Variants in RAB6A observed in about 807,000 individuals in gnomAD.
The protein encoded by RAB6A is ras-related protein Rab-6A.
RAB6A carries 8 observed loss-of-function variants against 32.3 expected under a neutral mutation model. The ratio of observed to expected loss-of-function variants is 0.25; its 90% CI spans 0.15 to 0.45. The LOEUF is 0.45. RAB6A is among the 20% of genes least tolerant of loss of function. The pLI is 1.00. For synonymous variants in RAB6A, 73 were observed against 82.1 expected, an observed-to-expected ratio of 0.89 and a Z score of 0.60; for missense variants, 104 against 249.4, an observed-to-expected ratio of 0.42 and a Z score of 3.93.
chr11:73,677,699 T>C lies in RAB6A; in HGVS notation c.*199A>G. Reference sequence around the variant, plus strand: ...TGAAATATTTTGGCTTTTTGTAAAATATAAATAATGAAGACACTGACTTTT... The same window carrying C: ...TGAAATATTTTGGCTTTTTGTAAAACATAAATAATGAAGACACTGACTTTT... On this transcript the variant is annotated 3_prime_UTR_variant, in exon 8 of 8. Transcript: ENST00000336083. 7.3e-7 allele frequency: 1 copy of C among 1,378,244 alleles called. No homozygotes were observed. The highest frequency in any genetic ancestry group is 1.5e-5 in the African/African-American group (1 of 68,656). The allele number at this position is 1,378,244 out of a possible 1,614,324, so 85.4% of individuals were successfully genotyped here.
intron 3 of RAB6A, among the ~76,000 whole-genome samples, chr11:73,720,063 T>G (rs1946111459): frequency 6.6e-6 from 1 of 152,212 alleles, no homozygotes; most frequent in East Asian, 1.9e-4. Flanking sequence ...ATATTCACTG[T>G]TTAGGTGACA....
intron 1 of RAB6A, among the ~76,000 whole-genome samples, chr11:73,744,230 C>T (rs1435306258): frequency 6.8e-6 from 1 of 147,920 alleles, no homozygotes; most frequent in African/African-American, 2.5e-5. Context: ...CCCAGCTACT[C>T]GGGAGGCTGA....
intron 1 of RAB6A, among the ~76,000 whole-genome samples, chr11:73,744,368 A>G (rs1249764729): frequency 1.3e-5 from 2 of 149,704 alleles, no homozygotes; most frequent in Non-Finnish European, 3.0e-5. Context: ...TAAATTAGCC[A>G]CATGTAGTAG....
chr11:73,723,243 AT>A (rs1946168975), intron 2 of RAB6A, among the ~76,000 whole-genome samples: 1 of 152,146 alleles, frequency 6.6e-6, no homozygotes, highest in African/African-American at 2.4e-5. Flanking sequence ...GTCCACATTC[AT>A]CAGGAATATT....
intron 2 of RAB6A, among the ~76,000 whole-genome samples, chr11:73,723,300 G>A (rs373312865): frequency 6.6e-6 from 1 of 151,498 alleles, no homozygotes; most frequent in Non-Finnish European, 1.5e-5. Flanking sequence ...AAAAAAGAAA[G>A]ATTTATTTTA....
chr11:73,715,983 A>C (rs910823043), intron 5 of RAB6A, among the ~76,000 whole-genome samples: 17 of 152,254 alleles, frequency 1.1e-4, no homozygotes, highest in African/African-American at 3.9e-4. Context: ...ATCTAAAAAA[A>C]GCAAAATATT....
intron 6 of RAB6A, among the ~76,000 whole-genome samples, chr11:73,690,624 GAAGTT>G (rs1178761291): frequency 7.1e-6 from 1 of 141,682 alleles, no homozygotes; most frequent in Non-Finnish European, 1.5e-5. Context: ...CCTGGAAAAA[GAAGTT>G]ACAGATGTGG....
rs1231102849 is a variant in RAB6A, at chr11:73,722,307, A to ATGTGTGTGTGTGTG, written c.130-1409_130-1408insCACACACACACACA. ...AATTCAAATATATATGTGTGTGTGT[A>ATGTGTGTGTGTGTG]TATATATATATATATATATATATAT... On this transcript the variant is annotated intron_variant, in intron 2 of 7. Transcript: ENST00000336083. 152 of 62,302 alleles carry ATGTGTGTGTGTGTG rather than the reference A, an allele frequency of 2.4e-3. 1 individual carries two copies. Among genetic ancestry groups the ATGTGTGTGTGTGTG allele is most frequent in the Non-Finnish European group, 3.7e-3 (113 of 30,178 alleles). The allele number at this position is 62,302 out of a possible 1,614,324, so 3.9% of individuals were successfully genotyped here. A position where few individuals can be genotyped will look rare whatever the true frequency, so the allele number is the denominator to read the frequency against.
Position 73,677,702 on chromosome 11 carries a change from AAAT to A in RAB6A, c.*193_*195del, listed in dbSNP as rs1203374659. 6 of 1,381,112 alleles carry A rather than the reference AAAT, an allele frequency of 4.3e-6. No homozygotes were observed. The African/African-American group carries it at 8.7e-5, about 20-fold the overall frequency. 85.6% of individuals were successfully genotyped at this position (1,381,112 alleles called of 1,614,324 possible). The stretch of plus-strand genomic sequence containing the variant: ...AATATTTTGGCTTTTTGTAAAATAT[AAAT>A]AATGAAGACACTGACTTTTGTTGTG... On this transcript the variant is annotated 3_prime_UTR_variant, in exon 8 of 8. Transcript: ENST00000336083.
At chr11:73,724,485 T>TG (rs1351888895) in intron 2 of RAB6A, among the ~76,000 whole-genome samples, 2 of 94,106 alleles carry the variant, frequency 2.1e-5, no homozygotes, top group Admixed American at 9.7e-5. Context: ...ATGCATTTCG[T>TG]TTTTTTTTTT....
chr11:73,686,351 T>C (rs1324512260), intron 6 of RAB6A, among the ~76,000 whole-genome samples: 1 of 151,576 alleles, frequency 6.6e-6, no homozygotes, highest in Non-Finnish European at 1.5e-5. Context: ...AGGTCAGGAG[T>C]TCGACCAGCT....
Position 73,740,074 on chromosome 11 carries a change from A to T in RAB6A, c.71-9251T>A, listed in dbSNP as rs551122304. The stretch of plus-strand genomic sequence containing the variant: ...ACTCTGTCTCAAAAAAAAGAAAAAA[A>T]AAAAAAAGAGAGGACTCAATTAGTC... On this transcript the variant is annotated intron_variant, in intron 1 of 7. Coordinates refer to ENST00000336083, the MANE Select transcript of RAB6A (RefSeq NM_198896.2). 9.1e-3 allele frequency among the ~76,000 whole-genome samples: 1,386 copies of T among 152,108 alleles called. 10 individuals are homozygous for T. The highest frequency in any genetic ancestry group is 0.015 in the Non-Finnish European group (1,032 of 67,994).
chr11:73,688,734 T>C (rs1945498454), intron 6 of RAB6A, among the ~76,000 whole-genome samples: 1 of 152,270 alleles, frequency 6.6e-6, no homozygotes, highest in Non-Finnish European at 1.5e-5. Flanking sequence ...AAAACTTGCA[T>C]CTGTAAAACA....
intron 1 of RAB6A, among the ~76,000 whole-genome samples, chr11:73,741,155 C>A (rs938781991): frequency 6.6e-6 from 1 of 151,852 alleles, no homozygotes; most frequent in East Asian, 1.9e-4. Flanking sequence ...CCCCACCCCC[C>A]CAACAGAGTC....
At chr11:73,750,763 C>T (rs941547215) in intron 1 of RAB6A, among the ~76,000 whole-genome samples, 58 of 152,250 alleles carry the variant, frequency 3.8e-4, no homozygotes, top group African/African-American at 1.2e-3. Context: ...CCTTTGGCTA[C>T]TATGAATAAT....
At chr11:73,687,631 G>A (rs749752400) in intron 6 of RAB6A, among the ~76,000 whole-genome samples, 4 of 152,216 alleles carry the variant, frequency 2.6e-5, no homozygotes, top group Admixed American at 6.5e-5. Flanking sequence ...CGAGGTGGGC[G>A]GATCACCTGA....
intron 1 of RAB6A, among the ~76,000 whole-genome samples, chr11:73,747,510 C>G (rs1260411053): frequency 6.8e-6 from 1 of 147,676 alleles, no homozygotes; most frequent in Non-Finnish European, 1.5e-5. Flanking sequence ...CGGCCAGCCT[C>G]TAAGATAAAA....
chr11:73,702,216 C>T (rs963209100), intron 6 of RAB6A, among the ~76,000 whole-genome samples: 2 of 152,200 alleles, frequency 1.3e-5, no homozygotes, highest in Non-Finnish European at 2.9e-5. Context: ...GGCTGGAATG[C>T]AGTGGCGCAA....
chr11:73,691,814 C>T (rs978110221), intron 6 of RAB6A, among the ~76,000 whole-genome samples: 2 of 151,892 alleles, frequency 1.3e-5, no homozygotes, highest in African/African-American at 4.8e-5. Flanking sequence ...TACACACGCA[C>T]ACAAAAAAAT....
Sources: gnomAD v4.1 joint callset for allele counts (sites outside exome capture counted in the v4.1 genomes callset) on GRCh38, gnomAD v4.1.1 for gene constraint, MANE v1.5 for transcripts, NCBI Gene and HGNC (gene_info 2026-07-23, HGNC 2026-07-21) for gene names.